Variants in RPS29 observed in about 807,000 individuals in gnomAD.
The protein encoded by RPS29 is ribosomal protein S29.
For synonymous variants in RPS29, 37 were observed against 26.9 expected (o/e 1.37, Z -1.16); for missense variants, 60 against 75.7 (o/e 0.79, Z 0.77).
rs960610807 is a variant in RPS29 at position 49,586,155 on chromosome 14, T to C, written c.63-106A>G. The C allele has an allele frequency of 5.6e-5, 77 of 1,384,994 alleles. No individual in the cohort carries two copies. The African/African-American group carries it at 9.5e-4, about 17-fold the overall frequency. The allele number at this position is 1,384,994 out of a possible 1,614,324, so 85.8% of individuals were successfully genotyped here. A position where few individuals can be genotyped will look rare whatever the true frequency, so the allele number is the denominator to read the frequency against. The stretch of plus-strand genomic sequence containing the variant: ...GGACTCCCAAGCCACAGTACAGGCC[T>C]GTAATGGCGGCACCAGCGACTCCCA... On this transcript the variant is annotated intron_variant, in intron 1 of 2. Transcript: ENST00000245458.
At position 49,598,565 on chromosome 14, in the gene RPS29, A is replaced by G. The variant is rs183186359; in HGVS notation, c.-298T>C. 2,554 of 702,212 alleles carry G rather than the reference A, an allele frequency of 3.6e-3. 31 individuals carry two copies. Among genetic ancestry groups the G allele is most frequent in the African/African-American group, 0.026 (1,483 of 57,352 alleles). 43.5% of individuals were successfully genotyped at this position (702,212 alleles called of 1,614,324 possible). A position where few individuals can be genotyped will look rare whatever the true frequency, so the allele number is the denominator to read the frequency against. The stretch of plus-strand genomic sequence containing the variant: ...CTCGCTGGCTTACGGGGCCACTCAG[A>G]CAGTTCTAAGTGCCTTTCCCTGTAA... On this transcript the variant is annotated 5_prime_UTR_variant, in exon 1 of 4. Coordinates refer to the RPS29 transcript ENST00000556230.
At chr14:49,598,295 T>G in intron 1 of RPS29, 2 of 605,596 alleles carry the variant, frequency 3.3e-6, no homozygotes, top group Non-Finnish European at 5.9e-6. Flanking sequence ...GGCCCCGTCC[T>G]AGTTCAATCA....
downstream of RPS29, among the ~76,000 whole-genome samples, chr14:49,579,253 A>G (rs1023543319): frequency 6.6e-6 from 1 of 152,214 alleles, no homozygotes; most frequent in African/African-American, 2.4e-5. Context: ...ATGAGTCAGG[A>G]AACAGCTCTC....
chr14:49,595,486 A>T (rs894398182), intron 1 of RPS29, among the ~76,000 whole-genome samples: 1 of 152,190 alleles, frequency 6.6e-6, no homozygotes, highest in African/African-American at 2.4e-5. Context: ...ACGCACCTGT[A>T]GTCTCAGCTA....
At chr14:49,581,671 G>A (rs1199444899), downstream of RPS29, among the ~76,000 whole-genome samples, 2 of 152,048 alleles carry the variant, frequency 1.3e-5, no homozygotes, top group African/African-American at 4.8e-5. Context: ...GAGCCACTAC[G>A]CCCAGCCCCT....
upstream of RPS29, among the ~76,000 whole-genome samples, chr14:49,590,037 G>A (rs750817887): frequency 2.0e-5 from 3 of 152,204 alleles, no homozygotes; most frequent in Admixed American, 2.0e-4. Context: ...GCCTACTTGA[G>A]GGTAGAGGGT....
intron 1 of RPS29, among the ~76,000 whole-genome samples, chr14:49,593,623 G>A (rs1026470294): frequency 5.1e-5 from 7 of 137,146 alleles, no homozygotes; most frequent in African/African-American, 1.9e-4. Flanking sequence ...AACCTGGGAA[G>A]TGGAAGTTGC....
At chr14:49,588,359 T>A (rs1881636737), upstream of RPS29, among the ~76,000 whole-genome samples, 1 of 152,224 alleles carries the variant, frequency 6.6e-6, no homozygotes, top group South Asian at 2.1e-4. Context: ...GATAGAGATA[T>A]TGCAAAAGTG....
rs1415758230 is a variant in RPS29, at chr14:49,575,049, C to CT, written c.*2762dup. 175 of 151,956 alleles carry CT rather than the reference C, an allele frequency of 1.2e-3. 2 individuals carry two copies. The highest frequency in any genetic ancestry group is 3.4e-3 in the African/African-American group (139 of 41,382). The allele number at this position is 151,956 out of a possible 1,614,324, so 9.4% of individuals were successfully genotyped here. ...GGCAGTCAGGGATCTCTTTCTTTAT[C>CT]TTTTTTTTTGAGACGGAGTCTCGCT... On this transcript the variant is annotated 3_prime_UTR_variant, in exon 3 of 3. Coordinates refer to the RPS29 transcript ENST00000396020.
At chr14:49,592,404 G>A (rs936443212) in intron 1 of RPS29, 11 of 99,424 alleles carry the variant, frequency 1.1e-4, no homozygotes, top group Non-Finnish European at 1.9e-5. Flanking sequence ...TTTCACTCTT[G>A]TTGCCCAGGC....
chr14:49,586,464 G>A (rs1881562479), upstream of RPS29: 9 of 898,438 alleles, frequency 1.0e-5, no homozygotes, highest in East Asian at 2.0e-4. Context: ...TGCGCAGTGT[G>A]GTCAGGTTGT....
exon 3 of RPS29, chr14:49,577,742 T>C (rs1881224353): frequency 3.3e-6 from 4 of 1,203,538 alleles, no homozygotes; most frequent in South Asian, 1.2e-5. Context: ...CCCAGTGAAC[T>C]TGGTGCTCTT....
chr14:49,589,453 A>G (rs1881666975), upstream of RPS29, among the ~76,000 whole-genome samples: 1 of 152,250 alleles, frequency 6.6e-6, no homozygotes, highest in African/African-American at 2.4e-5. Context: ...TTGGAATAAT[A>G]TGCATGTTAG....
chr14:49,598,124 G>T, intron 1 of RPS29: 1 of 393,978 alleles, frequency 2.5e-6, no homozygotes, highest in South Asian at 7.2e-5. Flanking sequence ...TACCATTACG[G>T]AAGTATAACT....
At chr14:49,574,691 T>C (rs1881133306) in exon 3 of RPS29, 1 of 152,226 alleles carries the variant, frequency 6.6e-6, no homozygotes, top group South Asian at 2.1e-4. Context: ...ATGTAAGTAT[T>C]TCAAGGTTAT....
At chr14:49,597,103 G>A (rs1264877625) in intron 1 of RPS29, among the ~76,000 whole-genome samples, 1 of 151,938 alleles carries the variant, frequency 6.6e-6, no homozygotes, top group Non-Finnish European at 1.5e-5. Flanking sequence ...TAGTAGAGAC[G>A]GGGTTTCACC....
At chr14:49,573,335 G>C (rs1415609517) in exon 3 of RPS29, 1 of 151,870 alleles carries the variant, frequency 6.6e-6, no homozygotes, top group East Asian at 1.9e-4. Context: ...GGATGTAATG[G>C]TGCGCACCTG....
At chr14:49,586,095 G>C in intron 1 of RPS29, 46 bp from the exon 2 acceptor site, 7 of 1,543,730 alleles carry the variant, frequency 4.5e-6, no homozygotes, top group Admixed American at 1.7e-5. Flanking sequence ...GAAATTACAA[G>C]ACTCCGCACT....
intron 1 of RPS29, among the ~76,000 whole-genome samples, chr14:49,593,833 T>C (rs1881766672): frequency 6.6e-6 from 1 of 151,856 alleles, no homozygotes; most frequent in Non-Finnish European, 1.5e-5. Context: ...TAAGTAATAT[T>C]ACATATAACC....
Sources: gnomAD v4.1 joint callset for allele counts (sites outside exome capture counted in the v4.1 genomes callset) on GRCh38, gnomAD v4.1.1 for gene constraint, MANE v1.5 for transcripts, NCBI Gene and HGNC (gene_info 2026-07-23, HGNC 2026-07-21) for gene names.